Variants in ALS2 observed in about 807,000 individuals in gnomAD.
The protein encoded by ALS2 is alsin.
Under a neutral mutation model 203.4 loss-of-function variants are expected in ALS2, and 117 were observed. The observed-to-expected ratio is 0.58, with a 90% CI of 0.50 to 0.67. ALS2 has a LOEUF of 0.67. Ranked by LOEUF, ALS2 falls within the 30% of genes least tolerant of loss-of-function variation. ALS2 has a pLI of 0.00. For synonymous variants in ALS2, 718 were observed against 725.9 expected, an observed-to-expected ratio of 0.99 and a Z score of 0.17; for missense variants, 1,715 against 1,989.4, an observed-to-expected ratio of 0.86 and a Z score of 2.62.
chr2:201,741,952 C>T (rs1403523021), intron 10 of ALS2, 98 bp from the exon 11 acceptor site: 3 of 1,137,368 alleles, frequency 2.6e-6, no homozygotes, highest in African/African-American at 1.5e-5. Flanking sequence ...GACTACTTAA[C>T]CTGTTGCCAT....
intron 1 of ALS2, among the ~76,000 whole-genome samples, chr2:201,769,460 T>A (rs937740468): frequency 6.6e-6 from 1 of 152,218 alleles, no homozygotes; most frequent in Admixed American, 6.5e-5. Context: ...TTCCACTTAT[T>A]GGAAGAAGGA....
intron 24 of ALS2, among the ~76,000 whole-genome samples, chr2:201,716,243 A>C (rs927764279): frequency 6.6e-6 from 1 of 151,972 alleles, no homozygotes; most frequent in Non-Finnish European, 1.5e-5. Context: ...CTCTGTCTCT[A>C]CTAAAAACAC....
chr2:201,744,432 G>GA lies in ALS2; in HGVS notation c.1999-4dup. 6.2e-7 allele frequency: 1 copy of GA among 1,613,518 alleles called. No individual in the cohort carries two copies. The highest frequency in any genetic ancestry group is 8.5e-7 in the Non-Finnish European group (1 of 1,179,730). On this transcript the variant is annotated splice_region_variant and splice_polypyrimidine_tract_variant and intron_variant, in intron 9 of 33. Transcript: ENST00000264276. ...GTCACTCTGCTTATATATCCAAGCT[G>GA]AAACAGAAGAAAACAAAAGGATTAA...
intron 10 of ALS2, among the ~76,000 whole-genome samples, chr2:201,743,421 CCT>C: frequency 6.6e-6 from 1 of 152,264 alleles, no homozygotes; most frequent in Middle Eastern, 3.4e-3. Flanking sequence ...TCACTTCCAA[CCT>C]CTTTGTAGCT....
chr2:201,705,673 C>T (rs368869238), intron 29 of ALS2, among the ~76,000 whole-genome samples: 4 of 152,116 alleles, frequency 2.6e-5, no homozygotes, highest in Admixed American at 6.5e-5. Flanking sequence ...ATAACCTACA[C>T]GTTACAGATA....
Position 201,746,605 on chromosome 2 carries a change from G to A in ALS2, c.1959C>T (p.His653=). The A allele has an allele frequency of 1.2e-6, 2 of 1,614,180 alleles. No individual in the cohort carries two copies. Among genetic ancestry groups the A allele is most frequent in the South Asian group, 1.1e-5 (1 of 91,084 alleles). ...PTEGDNLPEN[H]SGSKTPVLLS... is the part of the protein sequence containing the mutation. ...GAAGTACTGGAGTCTTAGAACCACTGTGATTCTCTGGAAGGTTGTCACCTT... is the reference window on the plus strand; with the variant it reads ...GAAGTACTGGAGTCTTAGAACCACTATGATTCTCTGGAAGGTTGTCACCTT... Residue 653 remains histidine, a synonymous_variant, in exon 9 of 34, where the codon CAC becomes CAT. Coordinates refer to ENST00000264276, the MANE Select transcript of ALS2 (RefSeq NM_020919.4).
At chr2:201,723,497 A>G in intron 21 of ALS2, 56 bp from the exon 22 acceptor site, 1 of 1,433,356 alleles carries the variant, frequency 7.0e-7, no homozygotes, top group Non-Finnish European at 9.8e-7. Flanking sequence ...AAAGTAGGGA[A>G]AAGACAATTA....
chr2:201,757,148 A>T (rs1693450371), intron 5 of ALS2, among the ~76,000 whole-genome samples: 3 of 152,238 alleles, frequency 2.0e-5, no homozygotes, highest in Admixed American at 2.0e-4. Context: ...AACACTCCAG[A>T]ACAATAAAAT....
chr2:201,702,116 C>T, intron 33 of ALS2, among the ~76,000 whole-genome samples: 1 of 150,038 alleles, frequency 6.7e-6, no homozygotes, highest in Non-Finnish European at 1.5e-5. Context: ...CATTTCCCGT[C>T]TTATTCTAAA....
rs753899691 is a variant in ALS2 at position 201,718,234 on chromosome 2, T to C, written c.3703-24A>G. On this transcript the variant is annotated intron_variant, in intron 23 of 33. Coordinates refer to ENST00000264276, the MANE Select transcript of ALS2 (RefSeq NM_020919.4). ...CCCTAGGTAAAGTCAGAGAATAAAA[T>C]GTGGGGTTAGAGGAAATATATTCAA... is the stretch of plus-strand genomic sequence containing the variant. 6.2e-6 allele frequency: 10 copies of C among 1,605,664 alleles called. 1 individual carries two copies. Among genetic ancestry groups the C allele is most frequent in the Non-Finnish European group, 8.5e-6 (10 of 1,172,524 alleles).
rs1468064820 is a variant in ALS2, at chr2:201,761,385, C to A, written c.609G>T (p.Val203=). Residue 203 remains valine (V), a synonymous_variant, in exon 4 of 34, where the codon GTG becomes GTT. Coordinates refer to ENST00000264276, the MANE Select transcript of ALS2 (RefSeq NM_020919.4). ...GGAAAGCACCACAGGCAACTTGAAGCACCACTCGCCCAGCAAGATGTTCTA... is the reference window on the plus strand; with the variant it reads ...GGAAAGCACCACAGGCAACTTGAAGAACCACTCGCCCAGCAAGATGTTCTA... The part of the protein sequence containing the change: ...QKVEHLAGRV[V]LQVACGAFHS... The A allele has an allele frequency of 2.5e-6, 4 of 1,611,900 alleles. No homozygotes were observed. In the African/African-American group the frequency reaches 5.3e-5, roughly 21 times the overall value.
At chr2:201,720,226 C>T in intron 23 of ALS2, 1 of 363,482 alleles carries the variant, frequency 2.8e-6, no homozygotes, top group Non-Finnish European at 5.2e-6. Context: ...AAAATATTCG[C>T]ATTAAATCCA....
At chr2:201,728,445 T>C in intron 15 of ALS2, 67 bp downstream of exon 15, 1 of 1,569,584 alleles carries the variant, frequency 6.4e-7, no homozygotes, top group African/African-American at 1.3e-5. Flanking sequence ...CATAAACTGA[T>C]AGTACAGTTA....
intron 25 of ALS2, 38 bp downstream of exon 25, chr2:201,715,634 A>C (rs771275678): frequency 1.9e-6 from 3 of 1,611,262 alleles, no homozygotes; most frequent in Non-Finnish European, 2.5e-6. Flanking sequence ...TCATCTTCCT[A>C]ACATGCTCTG....
intron 12 of ALS2, among the ~76,000 whole-genome samples, chr2:201,733,834 G>T (rs1196989501): frequency 6.6e-6 from 1 of 152,134 alleles, no homozygotes; most frequent in East Asian, 1.9e-4. Context: ...AGAAACACTG[G>T]AAGAAAAAGC....
chr2:201,769,967 A>C (rs899827751), intron 1 of ALS2, among the ~76,000 whole-genome samples: 2 of 152,258 alleles, frequency 1.3e-5, no homozygotes, highest in Non-Finnish European at 2.9e-5. Flanking sequence ...TAGAAAGATT[A>C]TGAATCATTC....
intron 33 of ALS2, 78 bp from the exon 34 acceptor site, chr2:201,701,967 A>G (rs1329003375): frequency 2.3e-6 from 3 of 1,312,716 alleles, no homozygotes; most frequent in Non-Finnish European, 3.3e-6. Flanking sequence ...ATGGGACTAA[A>G]GAAACAAAAT....
chr2:201,767,244 C>G lies in ALS2; in HGVS notation c.160G>C (p.Val54Leu). The change falls in exon 3 of 34, where the codon GTT becomes CTT. Residue 54 changes from valine to leucine, a missense_variant. By Grantham distance (32) the Val-to-Leu change is conservative. Transcript: ENST00000264276. ...TTTTCATTACCTTCAGTCAGAAGAA[C>G]TCCATGTTTCACTCCGAGGGCTGCC... ...LQAALGVKHG[V>L]LLTEDGEVYS... The G allele has an allele frequency of 6.2e-7, 1 of 1,614,056 alleles. No homozygotes were observed. The highest frequency in any genetic ancestry group is 1.1e-5 in the South Asian group (1 of 91,076).
intron 12 of ALS2, among the ~76,000 whole-genome samples, chr2:201,738,319 T>C (rs1692015190): frequency 6.6e-6 from 1 of 152,180 alleles, no homozygotes; most frequent in South Asian, 2.1e-4. Flanking sequence ...TTTCTGTGCA[T>C]CATCACATAC....
Sources: gnomAD v4.1 joint callset for allele counts (sites outside exome capture counted in the v4.1 genomes callset) on GRCh38, gnomAD v4.1.1 for gene constraint, MANE v1.5 for transcripts, NCBI Gene and HGNC (gene_info 2026-07-23, HGNC 2026-07-21) for gene names.